The following ZBTB7C variants were observed in gnomAD, a reference collection of about 807,000 sequenced individuals.
ZBTB7C encodes the protein zinc finger and BTB domain-containing protein 7C.
In ZBTB7C, 8 loss-of-function variants were observed where a neutral mutation model predicts 25.7. The observed-to-expected ratio is 0.31, with a 90% confidence interval of 0.18 to 0.56. The LOEUF (loss-of-function observed/expected upper bound fraction) is 0.56. ZBTB7C is among the 20% of genes least tolerant of loss of function. ZBTB7C has a pLI of 0.91. For missense variants in ZBTB7C, 824 were observed against 855.2 expected (o/e 0.96, Z 0.46); for synonymous variants, 394 against 369.0 (o/e 1.07, Z -0.78).
At chr18:48,243,281 A>AT (rs2043582408) in intron 2 of ZBTB7C, among the ~76,000 whole-genome samples, 1 of 151,474 alleles carries the variant, frequency 6.6e-6, no homozygotes, top group Admixed American at 6.6e-5. Flanking sequence ...AAAAAAAAAA[A>AT]AAAAAAAAAG....
At chr18:48,087,731 G>A (rs1262197036) in intron 3 of ZBTB7C, 3 of 151,876 alleles carry the variant, frequency 2.0e-5, no homozygotes, top group Non-Finnish European at 4.4e-5. Flanking sequence ...AGAGTTTGAG[G>A]CTGCAGTGAG....
intron 2 of ZBTB7C, among the ~76,000 whole-genome samples, chr18:48,278,750 T>C (rs145921303): frequency 3.3e-5 from 5 of 152,232 alleles, no homozygotes; most frequent in Middle Eastern, 3.4e-3. Context: ...TTCTGACCTA[T>C]ATGATCATGA....
At chr18:48,035,533 T>A (rs1023107401) in intron 4 of ZBTB7C, among the ~76,000 whole-genome samples, 1 of 152,162 alleles carries the variant, frequency 6.6e-6, no homozygotes, top group African/African-American at 2.4e-5. Flanking sequence ...GTGGTGGGAA[T>A]TAAGAGGCGG....
chr18:48,183,921 T>C (rs2041991976), intron 3 of ZBTB7C, among the ~76,000 whole-genome samples: 1 of 152,126 alleles, frequency 6.6e-6, no homozygotes. Flanking sequence ...TCTTGCTTCT[T>C]TACCCTGCTT....
intron 3 of ZBTB7C, among the ~76,000 whole-genome samples, chr18:48,156,822 CTTT>C (rs11375714): frequency 1.3e-5 from 2 of 148,356 alleles, no homozygotes; most frequent in African/African-American, 5.0e-5. Flanking sequence ...CCTTAGAACA[CTTT>C]TTTTTTTTCC....
At chr18:48,037,745 T>C (rs1184099623) in intron 4 of ZBTB7C, among the ~76,000 whole-genome samples, 1 of 152,170 alleles carries the variant, frequency 6.6e-6, no homozygotes, top group African/African-American at 2.4e-5. Context: ...GAGGTGCTCC[T>C]GTTAGCCATC....
chr18:48,031,455 G>C (rs996766403), intron 4 of ZBTB7C, among the ~76,000 whole-genome samples: 6 of 152,218 alleles, frequency 3.9e-5, no homozygotes, highest in Non-Finnish European at 7.3e-5. Context: ...GTACTCTGCT[G>C]TGATATCCCA....
At chr18:48,201,840 C>T (rs1408355039) in intron 2 of ZBTB7C, among the ~76,000 whole-genome samples, 1 of 152,224 alleles carries the variant, frequency 6.6e-6, no homozygotes, top group African/African-American at 2.4e-5. Context: ...TTGTTCCAGT[C>T]TTCCTCGGGA....
At chr18:48,339,249 C>T (rs545386437) in intron 1 of ZBTB7C, among the ~76,000 whole-genome samples, 349 of 152,374 alleles carry the variant, frequency 2.3e-3, no homozygotes, top group Non-Finnish European at 4.1e-3. Context: ...GGGGTACCCA[C>T]CTGGCTGTGA....
chr18:48,159,002 G>T (rs2040921425), intron 3 of ZBTB7C, among the ~76,000 whole-genome samples: 1 of 151,894 alleles, frequency 6.6e-6, no homozygotes, highest in African/African-American at 2.4e-5. Context: ...GAGGATGAAG[G>T]CCTGGCCAAC....
chr18:48,358,105 T>C (rs902404945), intron 1 of ZBTB7C, among the ~76,000 whole-genome samples: 3 of 152,124 alleles, frequency 2.0e-5, no homozygotes, highest in African/African-American at 7.2e-5. Context: ...AATCCCAACA[T>C]TTTGGGAGGC....
chr18:48,284,893 G>T (rs74616685), intron 2 of ZBTB7C, among the ~76,000 whole-genome samples: 7,994 of 151,700 alleles, frequency 0.053, 254 homozygotes, highest in Non-Finnish European at 0.071. Flanking sequence ...CCTGAGCCTT[G>T]CTCTTGTCCA....
intron 2 of ZBTB7C, among the ~76,000 whole-genome samples, chr18:48,328,182 A>C (rs1410847089): frequency 7.6e-6 from 1 of 132,368 alleles, no homozygotes; most frequent in African/African-American, 2.9e-5. Context: ...ACTCTGTCTC[A>C]AAAAAAAAAA....
chr18:48,054,406 C>T (rs930831016), intron 3 of ZBTB7C, among the ~76,000 whole-genome samples: 9 of 152,132 alleles, frequency 5.9e-5, no homozygotes, highest in Non-Finnish European at 1.0e-4. Flanking sequence ...GAGGAGCTGC[C>T]GTGGGGGGTG....
At chr18:48,081,763 C>T (rs988360312) in intron 3 of ZBTB7C, among the ~76,000 whole-genome samples, 1 of 152,012 alleles carries the variant, frequency 6.6e-6, no homozygotes, top group African/African-American at 2.4e-5. Flanking sequence ...TGCTGTGTGA[C>T]CTGGAAGCCA....
At chr18:48,367,333 TAC>T (rs2047263480) in intron 1 of ZBTB7C, among the ~76,000 whole-genome samples, 5 of 105,480 alleles carry the variant, frequency 4.7e-5, no homozygotes, top group African/African-American at 1.8e-4. Flanking sequence ...TGTATATATA[TAC>T]ATATATGTGT....
At chr18:48,122,915 C>G (rs576421056) in intron 3 of ZBTB7C, among the ~76,000 whole-genome samples, 1 of 152,192 alleles carries the variant, frequency 6.6e-6, no homozygotes, top group African/African-American at 2.4e-5. Context: ...AACCGCCCCC[C>G]ACTCCCAACA....
intron 2 of ZBTB7C, among the ~76,000 whole-genome samples, chr18:48,240,905 G>T (rs1044529382): frequency 6.6e-6 from 1 of 151,998 alleles, no homozygotes; most frequent in Admixed American, 6.5e-5. Context: ...ATACAAAATG[G>T]CAGAATGGGT....
chr18:48,395,309 G>C (rs914532215), intron 1 of ZBTB7C, among the ~76,000 whole-genome samples: 2 of 121,004 alleles, frequency 1.7e-5, no homozygotes, highest in Admixed American at 7.8e-5. Context: ...GTGTGTGTGT[G>C]TGTGTGTCAG....
Sources: allele counts gnomAD v4.1 joint callset (sites outside exome capture counted in the v4.1 genomes callset), GRCh38; gene constraint gnomAD v4.1.1; transcripts MANE v1.5; gene names NCBI Gene and HGNC (gene_info 2026-07-23, HGNC 2026-07-21).